The following RNGTT variants were observed in gnomAD, a reference collection of about 807,000 sequenced individuals.
RNGTT encodes mRNA-capping enzyme.
RNGTT carries 33 observed loss-of-function variants against 79.3 expected under a neutral mutation model. The ratio of observed to expected loss-of-function variants is 0.42; its 90% CI spans 0.32 to 0.56. The LOEUF is 0.56. RNGTT is among the 20% of genes least tolerant of loss of function. The pLI, the probability that RNGTT is intolerant of heterozygous loss-of-function variation, is 0.17. For synonymous variants in RNGTT, 222 were observed against 235.9 expected (o/e 0.94, Z 0.54); for missense variants, 497 against 739.1 (o/e 0.67, Z 3.80).
rs930544814 is a variant in RNGTT at position 88,612,238 on chromosome 6, T to C, written c.*481A>G. 2 of 153,184 alleles carry C rather than the reference T, an allele frequency of 1.3e-5. 1 individual carries two copies. The allele number at this position is 153,184 out of a possible 1,614,324, so 9.5% of individuals were successfully genotyped here. A position where few individuals can be genotyped will look rare whatever the true frequency, so the allele number is the denominator to read the frequency against. ...TTTGAATACAGGGATCTCAGAAATGTAGGAAATCCATGGTAAATGATAGCA... is the reference window on the plus strand; with the variant it reads ...TTTGAATACAGGGATCTCAGAAATGCAGGAAATCCATGGTAAATGATAGCA... On this transcript the variant is annotated 3_prime_UTR_variant, in exon 16 of 16. Coordinates refer to ENST00000369485, the MANE Select transcript of RNGTT (RefSeq NM_003800.5).
At chr6:88,737,955 A>G (rs377491418) in intron 13 of RNGTT, among the ~76,000 whole-genome samples, 1 of 152,226 alleles carries the variant, frequency 6.6e-6, no homozygotes, top group Non-Finnish European at 1.5e-5. Flanking sequence ...GTAACTTTTC[A>G]GTGTTTAAGT....
At chr6:88,934,542 T>C (rs1784609119) in intron 2 of RNGTT, among the ~76,000 whole-genome samples, 1 of 152,238 alleles carries the variant, frequency 6.6e-6, no homozygotes, top group Non-Finnish European at 1.5e-5. Flanking sequence ...GTTCTTTGTA[T>C]ATTCTGGATA....
At chr6:88,733,746 A>G (rs1195963129) in intron 13 of RNGTT, among the ~76,000 whole-genome samples, 1 of 152,046 alleles carries the variant, frequency 6.6e-6, no homozygotes, top group African/African-American at 2.4e-5. Context: ...AGAGTACATA[A>G]CAAGAATCGC....
intron 14 of RNGTT, among the ~76,000 whole-genome samples, chr6:88,667,420 T>C (rs1248245011): frequency 5.3e-5 from 8 of 152,162 alleles, no homozygotes; most frequent in Admixed American, 5.2e-4. Context: ...GTAACAGCAA[T>C]GTGTCACCTG....
At chr6:88,743,575 G>A (rs1777565145) in intron 13 of RNGTT, among the ~76,000 whole-genome samples, 1 of 152,096 alleles carries the variant, frequency 6.6e-6, no homozygotes, top group Non-Finnish European at 1.5e-5. Flanking sequence ...CACAGTACTT[G>A]TCTTTTTGTA....
In RNGTT at chr6:88,610,027, T is replaced by C. The variant is rs1395277887; in HGVS notation, c.*2692A>G. Among the ~76,000 whole-genome samples the C allele has an allele frequency of 6.6e-6, 1 of 152,200 alleles. No individual in the cohort carries two copies. Among genetic ancestry groups the C allele is most frequent in the Non-Finnish European group, 1.5e-5 (1 of 68,032 alleles). The stretch of plus-strand genomic sequence containing the variant: ...ATGAAGAGAAATAATATAAACATCA[T>C]ATAAAGATGTGCTTTCTCCCATTCC... On this transcript the variant is annotated 3_prime_UTR_variant, in exon 16 of 16. Coordinates refer to ENST00000369485, the MANE Select transcript of RNGTT (RefSeq NM_003800.5).
intron 11 of RNGTT, among the ~76,000 whole-genome samples, chr6:88,830,305 A>C (rs184662835): frequency 2.4e-4 from 36 of 152,330 alleles, no homozygotes; most frequent in Non-Finnish European, 1.8e-4. Context: ...AGAAATAAAG[A>C]AGTTAATTAA....
intron 4 of RNGTT, among the ~76,000 whole-genome samples, chr6:88,923,452 C>T (rs1784224404): frequency 6.6e-6 from 1 of 152,188 alleles, no homozygotes; most frequent in Non-Finnish European, 1.5e-5. Context: ...TACCAATTAA[C>T]ACTCAAAAGT....
At chr6:88,832,270 C>T (rs1459095953) in intron 11 of RNGTT, among the ~76,000 whole-genome samples, 1 of 152,100 alleles carries the variant, frequency 6.6e-6, no homozygotes, top group Non-Finnish European at 1.5e-5. Flanking sequence ...AGAACAGAGG[C>T]CTCAGAAAAA....
At chr6:88,868,362 G>C (rs1582561909) in intron 8 of RNGTT, among the ~76,000 whole-genome samples, 1 of 152,138 alleles carries the variant, frequency 6.6e-6, no homozygotes, top group South Asian at 2.1e-4. Context: ...ACTCTGACAT[G>C]CTTCAAAATA....
intron 13 of RNGTT, chr6:88,714,303 G>A (rs1776423750): frequency 6.6e-6 from 1 of 152,178 alleles, no homozygotes; most frequent in Non-Finnish European, 1.5e-5. Flanking sequence ...GAGGCTGTGG[G>A]AATATGAAGC....
chr6:88,767,152 C>T (rs1020167052), intron 13 of RNGTT, among the ~76,000 whole-genome samples: 2 of 152,036 alleles, frequency 1.3e-5, no homozygotes, highest in Non-Finnish European at 2.9e-5. Flanking sequence ...AATTGACTCC[C>T]ATTACACAAA....
At chr6:88,934,365 G>T (rs113322949) in intron 2 of RNGTT, among the ~76,000 whole-genome samples, 1 of 151,778 alleles carries the variant, frequency 6.6e-6, no homozygotes. Flanking sequence ...GGTGCAAGAT[G>T]ATATTTCATT....
rs769112401 is a variant in RNGTT at position 88,612,804 on chromosome 6, T to C, written c.1709A>G (p.Gln570Arg). 1 of 1,613,698 alleles carries C rather than the reference T, an allele frequency of 6.2e-7. No homozygotes were observed. ...CAGATGATGTTTTCGCTTCTGTCCT[T>C]GAGAAGCTGCAGTACATCTGTCGAT... ...EFIDRCTAASQGQKRKHHLDP... is the reference protein window; with the variant it reads ...EFIDRCTAASRGQKRKHHLDP... The change falls in exon 16 of 16, where the codon CAA becomes CGA. Residue 570 changes from glutamine (Q) to arginine (R), a missense_variant. By Grantham distance (43) the Gln-to-Arg change is conservative. Around this residue, in one of 3 missense-constraint regions of RNGTT, gnomAD observed 53 missense variants for 50.5 expected, o/e 1.05. Transcript: ENST00000369485.
intron 4 of RNGTT, among the ~76,000 whole-genome samples, chr6:88,926,123 C>A (rs1784311463): frequency 6.6e-6 from 1 of 152,164 alleles, no homozygotes; most frequent in Non-Finnish European, 1.5e-5. Flanking sequence ...CTCCTATATT[C>A]TTTTTGGTCC....
Position 88,957,181 on chromosome 6 carries a change from C to T in RNGTT, c.64+6165G>A, listed in dbSNP as rs1785461441. Among the ~76,000 whole-genome samples, 2 of 152,092 alleles carry T rather than the reference C, an allele frequency of 1.3e-5. 1 individual carries two copies. Among genetic ancestry groups the T allele is most frequent in the South Asian group, 4.1e-4 (2 of 4,834 alleles). On this transcript the variant is annotated intron_variant, in intron 1 of 15. Coordinates refer to ENST00000369485, the MANE Select transcript of RNGTT (RefSeq NM_003800.5). ...TGATTAAAACCTTCAGCAAAACTGG[C>T]ACAGAAGGGACGTACCTCAAGGTAA... is the stretch of plus-strand genomic sequence containing the variant.
At chr6:88,891,657 A>G (rs895539126) in intron 7 of RNGTT, 149 bp downstream of exon 7, 1 of 458,886 alleles carries the variant, frequency 2.2e-6, no homozygotes, top group Admixed American at 4.0e-5. Context: ...TGGTTATTGC[A>G]TTGATTGTCT....
At chr6:88,823,420 G>C (rs918661453) in intron 11 of RNGTT, among the ~76,000 whole-genome samples, 2 of 142,462 alleles carry the variant, frequency 1.4e-5, no homozygotes, top group Admixed American at 1.5e-4. Flanking sequence ...TGAGCAACAA[G>C]AGCAAAATGC....
intron 13 of RNGTT, among the ~76,000 whole-genome samples, chr6:88,736,115 C>T (rs1438031993): frequency 1.3e-5 from 2 of 151,986 alleles, no homozygotes; most frequent in Non-Finnish European, 2.9e-5. Context: ...GCACAAGCTA[C>T]CAAAAGTCAT....
Sources: allele counts gnomAD v4.1 joint callset (sites outside exome capture counted in the v4.1 genomes callset), GRCh38; gene constraint gnomAD v4.1.1; regional missense constraint gnomAD v4.1.1; transcripts MANE v1.5; gene names NCBI Gene and HGNC (gene_info 2026-07-23, HGNC 2026-07-21).